The following DMD variants were observed in gnomAD, a reference collection of about 807,000 sequenced individuals.
The protein encoded by DMD is mutant dystrophin.
DMD carries 63 observed loss-of-function variants against 330.1 expected under a neutral mutation model. The observed-to-expected ratio is 0.19, with a 90% confidence interval of 0.16 to 0.24. The LOEUF is 0.24. Ranked by LOEUF, DMD falls within the 10% of genes least tolerant of loss-of-function variation. DMD has a pLI of 1.00. For synonymous variants in DMD, 1,223 were observed against 959.8 expected (o/e 1.27, Z -5.07); for missense variants, 3,344 against 2,684.1 (o/e 1.25, Z -5.43).
At chrX:33,166,404 C>T (rs2049054564) in intron 1 of DMD, among the ~76,000 whole-genome samples, 1 of 111,253 alleles carries the variant, frequency 9.0e-6, no homozygotes, top group Admixed American at 9.6e-5. Flanking sequence ...CAAATAATAA[C>T]CCATACTCCT....
intron 50 of DMD, among the ~76,000 whole-genome samples, chrX:31,805,477 T>C (rs1453241651): frequency 2.7e-5 from 3 of 112,222 alleles, no homozygotes; most frequent in Non-Finnish European, 5.6e-5. Context: ...GGTACTTCAA[T>C]ATCTAAATAT....
chrX:33,338,493 A>AAATAAATAAATAAATG (rs765518720), intron 1 of DMD, among the ~76,000 whole-genome samples: 15 of 109,466 alleles, frequency 1.4e-4, no homozygotes, highest in Middle Eastern at 4.7e-3. Context: ...ATAAATAAAT[A>AAATAAATAAATAAATG]AATGCTCACA....
chrX:32,852,607 C>A (rs1210576320), intron 2 of DMD, among the ~76,000 whole-genome samples: 1 of 111,229 alleles, frequency 9.0e-6, no homozygotes, highest in Non-Finnish European at 1.9e-5. Context: ...TGATTGCAGG[C>A]CTTGGCTCCT....
intron 2 of DMD, among the ~76,000 whole-genome samples, chrX:32,910,694 G>GC (rs940924047): frequency 9.0e-6 from 1 of 111,615 alleles, no homozygotes. Context: ...GCCTGCCTCG[G>GC]CCCCCCAAAG....
chrX:31,748,307 A>G (rs2088034450), intron 51 of DMD, among the ~76,000 whole-genome samples: 1 of 112,084 alleles, frequency 8.9e-6, no homozygotes, highest in Admixed American at 9.5e-5. Context: ...CTCACAGTAC[A>G]TGTGCTACTG....
At chrX:32,465,632 C>A (rs781125056) in intron 23 of DMD, among the ~76,000 whole-genome samples, 14 of 92,997 alleles carry the variant, frequency 1.5e-4, no homozygotes, top group African/African-American at 5.7e-4. Flanking sequence ...GTCGCCCAGG[C>A]TGGAGTGAAG....
intron 9 of DMD, among the ~76,000 whole-genome samples, chrX:32,662,202 G>C (rs1337162733): frequency 9.0e-6 from 1 of 111,052 alleles, no homozygotes; most frequent in East Asian, 2.8e-4. Flanking sequence ...TTATATATAG[G>C]CTTTATATTA....
intron 33 of DMD, among the ~76,000 whole-genome samples, chrX:32,385,067 T>C (rs1350630394): frequency 9.0e-6 from 1 of 111,048 alleles, no homozygotes; most frequent in Non-Finnish European, 1.9e-5. Context: ...CCAAATTTCA[T>C]TTTGAACAAC....
chrX:32,945,838 G>A (rs2090768507), intron 2 of DMD, among the ~76,000 whole-genome samples: 1 of 110,881 alleles, frequency 9.0e-6, no homozygotes, highest in Non-Finnish European at 1.9e-5. Context: ...CTTATAGTAG[G>A]CATATATGTT....
chrX:31,351,143 CAT>C (rs768720446), intron 60 of DMD, among the ~76,000 whole-genome samples: 4 of 97,827 alleles, frequency 4.1e-5, no homozygotes, highest in African/African-American at 1.6e-4. Context: ...TTCACACACA[CAT>C]AGACATACAT....
At chrX:32,298,702 T>G (rs983225055) in intron 42 of DMD, among the ~76,000 whole-genome samples, 5 of 110,772 alleles carry the variant, frequency 4.5e-5, no homozygotes, top group African/African-American at 1.7e-4. Context: ...TTCTATCACT[T>G]AAATCAAACT....
At chrX:31,682,301 T>C (rs770347661) in intron 52 of DMD, among the ~76,000 whole-genome samples, 2 of 111,522 alleles carry the variant, frequency 1.8e-5, no homozygotes, top group South Asian at 7.6e-4. Context: ...CGACATATTA[T>C]ATTGCAACTT....
intron 44 of DMD, among the ~76,000 whole-genome samples, chrX:32,116,913 G>A (rs1223730655): frequency 8.9e-6 from 1 of 111,811 alleles, no homozygotes; most frequent in African/African-American, 3.3e-5. Context: ...ATTGAGCTAT[G>A]TTTTCTGTGA....
At chrX:32,480,889 G>A (rs548970863) in intron 21 of DMD, among the ~76,000 whole-genome samples, 4 of 110,297 alleles carry the variant, frequency 3.6e-5, no homozygotes, top group South Asian at 3.8e-4. Context: ...CCTAGTTTCT[G>A]GAGTGAAGGA....
chrX:32,835,206 A>G (rs1378272718), intron 4 of DMD, among the ~76,000 whole-genome samples: 2 of 112,229 alleles, frequency 1.8e-5, no homozygotes, highest in Non-Finnish European at 3.8e-5. Context: ...AAAATGCCTA[A>G]TGAAAGGCAC....
At chrX:31,357,241 GCCCATAAGT>G (rs2058721889) in intron 60 of DMD, among the ~76,000 whole-genome samples, 1 of 110,527 alleles carries the variant, frequency 9.0e-6, no homozygotes. Context: ...GGGCATTTTG[GCCCATAAGT>G]AGCATAATGT....
chrX:31,565,629 G>A (rs1293173870), intron 55 of DMD, among the ~76,000 whole-genome samples: 1 of 111,619 alleles, frequency 9.0e-6, no homozygotes, highest in African/African-American at 3.3e-5. Context: ...TAAGATAAAT[G>A]TCCAAGAGTG....
chrX:32,991,801 T>C (rs2092986402), intron 2 of DMD, among the ~76,000 whole-genome samples: 1 of 112,087 alleles, frequency 8.9e-6, no homozygotes, highest in East Asian at 2.8e-4. Context: ...ACTCAGATAT[T>C]TATTAACATA....
intron 44 of DMD, among the ~76,000 whole-genome samples, chrX:32,013,526 T>C (rs140815687): frequency 3.8e-4 from 43 of 112,457 alleles, no homozygotes; most frequent in African/African-American, 1.3e-3. Flanking sequence ...GAATGAGCCA[T>C]ATTTAATACA....
Sources: allele counts gnomAD v4.1 joint callset (sites outside exome capture counted in the v4.1 genomes callset), GRCh38; gene constraint gnomAD v4.1.1; transcripts MANE v1.5; gene names NCBI Gene and HGNC (gene_info 2026-07-23, HGNC 2026-07-21).